Variants in PARD3 observed in about 807,000 individuals in gnomAD.
PARD3 encodes the protein partitioning defective 3 homolog.
Under a neutral mutation model 155.4 loss-of-function variants are expected in PARD3, and 75 were observed. That is an observed-to-expected ratio of 0.48 (90% confidence interval 0.40 to 0.58). PARD3 has a LOEUF of 0.58. Ranked by LOEUF, PARD3 falls within the 20% of genes least tolerant of loss-of-function variation. The pLI, the probability that PARD3 is intolerant of heterozygous loss-of-function variation, is 0.00. For synonymous variants in PARD3, 576 were observed against 610.5 expected (o/e 0.94, Z 0.83); for missense variants, 1,642 against 1,721.7 (o/e 0.95, Z 0.82).
At position 34,291,238 on chromosome 10, in the gene PARD3, C is replaced by T. The variant is rs1956662030; in HGVS notation, c.3066-6993G>A. ...GTCCTACTACACTCTTGTCCATATG[C>T]ACTGAAGATGTATGTCCACATGTTT... On this transcript the variant is annotated intron_variant, in intron 20 of 24. Transcript: ENST00000374788. Among the ~76,000 whole-genome samples the T allele has an allele frequency of 2.0e-5, 3 of 152,244 alleles. No individual in the cohort carries two copies. In the South Asian group the frequency reaches 6.2e-4, roughly 32 times the overall value.
rs997891724 is a variant in PARD3, at chr10:34,129,465, T to C, written c.3540+1998A>G. Reference sequence around the variant, plus strand: ...ATTGTGCCTGGCCTGCAATCATTTATTCTAATCTTGGTTGAGAGATAAGAA... The same window carrying C: ...ATTGTGCCTGGCCTGCAATCATTTACTCTAATCTTGGTTGAGAGATAAGAA... On this transcript the variant is annotated intron_variant, in intron 23 of 24. Transcript: ENST00000374788. 5.3e-5 allele frequency among the ~76,000 whole-genome samples: 8 copies of C among 152,330 alleles called. No individual in the cohort carries two copies. In the East Asian group the frequency reaches 1.5e-3, roughly 29 times the overall value.
chr10:34,445,301 T>G (rs2076681459), intron 5 of PARD3, among the ~76,000 whole-genome samples: 1 of 152,186 alleles, frequency 6.6e-6, no homozygotes, highest in Non-Finnish European at 1.5e-5. Context: ...CAAACAATAG[T>G]GCTTACTTCT....
intron 22 of PARD3, among the ~76,000 whole-genome samples, chr10:34,243,864 T>C (rs956309387): frequency 4.6e-5 from 7 of 152,194 alleles, no homozygotes; most frequent in Non-Finnish European, 8.8e-5. Flanking sequence ...CATAATTAAA[T>C]ATATGTATAA....
intron 1 of PARD3, among the ~76,000 whole-genome samples, chr10:34,766,613 T>G (rs969868511): frequency 6.9e-5 from 6 of 87,536 alleles, no homozygotes; most frequent in Non-Finnish European, 1.3e-4. Context: ...AAATACTTAA[T>G]TGACAAAAAA....
intron 1 of PARD3, among the ~76,000 whole-genome samples, chr10:34,777,967 C>G (rs1200264766): frequency 6.6e-6 from 1 of 152,190 alleles, no homozygotes; most frequent in Non-Finnish European, 1.5e-5. Flanking sequence ...CAAGTTACCA[C>G]CACATCCACG....
intron 3 of PARD3, among the ~76,000 whole-genome samples, chr10:34,491,537 C>T (rs2079907308): frequency 6.6e-6 from 1 of 152,156 alleles, no homozygotes; most frequent in African/African-American, 2.4e-5. Context: ...CATGACTCCC[C>T]AAGGAAGTAA....
At chr10:34,616,400 A>T (rs116830855) in intron 2 of PARD3, among the ~76,000 whole-genome samples, 1 of 152,184 alleles carries the variant, frequency 6.6e-6, no homozygotes, top group Non-Finnish European at 1.5e-5. Flanking sequence ...ATGGAAAAGA[A>T]ATCAGCACAT....
At chr10:34,421,378 G>A (rs184691872) in intron 5 of PARD3, among the ~76,000 whole-genome samples, 50 of 149,994 alleles carry the variant, frequency 3.3e-4, no homozygotes, top group African/African-American at 1.2e-3. Context: ...ATTATAATTT[G>A]TAATTAGTTA....
chr10:34,344,337 C>A, intron 15 of PARD3: 2 of 913,336 alleles, frequency 2.2e-6, no homozygotes, highest in South Asian at 5.1e-5. Context: ...GGCTGGAGTG[C>A]TGTGGTACGA....
rs193163405 is a variant in PARD3 at position 34,624,405 on chromosome 10, A to C, written c.222+71913T>G. Among the ~76,000 whole-genome samples, 275 of 152,374 alleles carry C rather than the reference A, an allele frequency of 1.8e-3. 3 individuals are homozygous for C. Among genetic ancestry groups the C allele is most frequent in the African/African-American group, 6.4e-3 (266 of 41,594 alleles). ...AAAAGGATCTGTTGTGACTAAGGGC[A>C]GTCTTTTCAGACAAATCGATTTCTG... On this transcript the variant is annotated intron_variant, in intron 2 of 24. Coordinates refer to ENST00000374788, the MANE Select transcript of PARD3 (RefSeq NM_001184785.2).
intron 22 of PARD3, among the ~76,000 whole-genome samples, chr10:34,213,241 T>G (rs1243521056): frequency 1.3e-5 from 2 of 152,130 alleles, no homozygotes; most frequent in African/African-American, 2.4e-5. Context: ...AGAGACCACA[T>G]GGCAAGAGAG....
chr10:34,706,944 C>CA (rs746577075), intron 1 of PARD3, among the ~76,000 whole-genome samples: 14 of 151,976 alleles, frequency 9.2e-5, no homozygotes, highest in Middle Eastern at 6.8e-3. Flanking sequence ...CCTGTCTCCA[C>CA]AAAAAATTTT....
At chr10:34,117,474 T>C (rs1366814402) in intron 24 of PARD3, among the ~76,000 whole-genome samples, 1 of 152,054 alleles carries the variant, frequency 6.6e-6, no homozygotes, top group African/African-American at 2.4e-5. Context: ...GAGTGGGGGA[T>C]AGGGTGGATT....
In PARD3 at chr10:34,184,118, T is replaced by A. The variant is rs183147074; in HGVS notation, c.3420-52535A>T. Reference sequence around the variant, plus strand: ...CAGGTGTGAGCCACTGTGCTCAGTCTGCACATCCTTTTATACTGGGAATAG... The same window carrying A: ...CAGGTGTGAGCCACTGTGCTCAGTCAGCACATCCTTTTATACTGGGAATAG... On this transcript the variant is annotated intron_variant, in intron 22 of 24. Coordinates refer to ENST00000374788, the MANE Select transcript of PARD3 (RefSeq NM_001184785.2). 3.3e-5 allele frequency among the ~76,000 whole-genome samples: 5 copies of A among 152,360 alleles called. No homozygotes were observed. The East Asian group carries it at 9.6e-4, about 29-fold the overall frequency.
At chr10:34,176,529 G>C (rs997970220) in intron 22 of PARD3, among the ~76,000 whole-genome samples, 1 of 152,104 alleles carries the variant, frequency 6.6e-6, no homozygotes, top group African/African-American at 2.4e-5. Flanking sequence ...GTTTTCTTAC[G>C]CATTTCCAAC....
At chr10:34,338,085 A>C (rs1419585107) in intron 16 of PARD3, among the ~76,000 whole-genome samples, 3 of 152,260 alleles carry the variant, frequency 2.0e-5, no homozygotes, top group Non-Finnish European at 4.4e-5. Context: ...CATAAGAAAA[A>C]TACTAAACCA....
At chr10:34,491,465 T>G (rs971336924) in intron 3 of PARD3, among the ~76,000 whole-genome samples, 5 of 152,210 alleles carry the variant, frequency 3.3e-5, no homozygotes. Flanking sequence ...TTCTAACACC[T>G]CTTTGAATTT....
chr10:34,588,636 C>T (rs1435631509), intron 2 of PARD3, among the ~76,000 whole-genome samples: 1 of 152,096 alleles, frequency 6.6e-6, no homozygotes, highest in East Asian at 1.9e-4. Flanking sequence ...ATGGGCTGCC[C>T]GATTCTCCTT....
chr10:34,448,761 C>T (rs1179609161), intron 5 of PARD3, among the ~76,000 whole-genome samples: 1 of 152,024 alleles, frequency 6.6e-6, no homozygotes, highest in African/African-American at 2.4e-5. Context: ...GCTATGGTTG[C>T]ACCACTGCAC....
Sources: gnomAD v4.1 joint callset for allele counts (sites outside exome capture counted in the v4.1 genomes callset) on GRCh38, gnomAD v4.1.1 for gene constraint, MANE v1.5 for transcripts, NCBI Gene and HGNC (gene_info 2026-07-23, HGNC 2026-07-21) for gene names.